Variants in ACAD10 observed in about 807,000 individuals in gnomAD.
ACAD10 encodes the protein acyl-CoA dehydrogenase family member 10.
A neutral mutation model predicts 116.8 loss-of-function variants in ACAD10; 112 were observed. That is an observed-to-expected ratio of 0.96 (90% CI 0.82 to 1.12). The LOEUF is 1.12. Ranked by LOEUF, ACAD10 falls within the 50% of genes most tolerant of loss-of-function variation. ACAD10 has a pLI of 0.00. For synonymous variants in ACAD10, 486 were observed against 510.6 expected, an observed-to-expected ratio of 0.95 and a Z score of 0.65; for missense variants, 1,259 against 1,350.2, an observed-to-expected ratio of 0.93 and a Z score of 1.06.
At chr12:111,704,424 G>A (rs1333906274) in intron 3 of ACAD10, among the ~76,000 whole-genome samples, 2 of 152,166 alleles carry the variant, frequency 1.3e-5, no homozygotes, top group East Asian at 1.9e-4. Context: ...ACAGGCGTGA[G>A]CCACCACGCC....
At chr12:111,755,632 CG>C in intron 19 of ACAD10, 35 bp from the exon 20 acceptor site, 1 of 1,565,416 alleles carries the variant, frequency 6.4e-7, no homozygotes, top group Non-Finnish European at 8.8e-7. Flanking sequence ...AGGCTGCCCT[CG>C]GGTCTTTTAT....
intron 11 of ACAD10, among the ~76,000 whole-genome samples, 188 bp from the exon 12 acceptor site, chr12:111,736,643 A>G (rs553380414): frequency 6.6e-6 from 1 of 152,326 alleles, no homozygotes; most frequent in Non-Finnish European, 1.5e-5. Flanking sequence ...TTTGTGAATA[A>G]TGACTTCATG....
chr12:111,687,014 A>G (rs551810649), intron 1 of ACAD10, among the ~76,000 whole-genome samples: 23 of 152,220 alleles, frequency 1.5e-4, no homozygotes, highest in Non-Finnish European at 3.1e-4. Flanking sequence ...TGGAGATAAC[A>G]TTAGCTTTTC....
chr12:111,723,272 CA>C (rs1385850475), intron 8 of ACAD10, among the ~76,000 whole-genome samples: 44 of 133,658 alleles, frequency 3.3e-4, no homozygotes, highest in African/African-American at 1.2e-3. Flanking sequence ...GGCGGCCGGG[CA>C]GAGGCGCCCC....
chr12:111,755,812 C>T lies in ACAD10; in HGVS notation c.3039+67C>T, dbSNP rs772591771. 16 of 1,457,792 alleles carry T rather than the reference C, an allele frequency of 1.1e-5. No individual in the cohort carries two copies. The South Asian group carries it at 1.7e-4, about 16-fold the overall frequency. 90.3% of individuals were successfully genotyped at this position (1,457,792 alleles called of 1,614,324 possible). A position where few individuals can be genotyped will look rare whatever the true frequency, so the allele number is the denominator to read the frequency against. On this transcript the variant is annotated intron_variant, in intron 20 of 20. Transcript: ENST00000313698. ...ACTAGATGCCAAACTCTCCTATCTT[C>T]AGCCGCCCAGCCTCCCATAGACCCT...
At chr12:111,735,346 G>A (rs917176349) in intron 11 of ACAD10, among the ~76,000 whole-genome samples, 23 of 151,918 alleles carry the variant, frequency 1.5e-4, no homozygotes, top group African/African-American at 5.6e-4. Flanking sequence ...GAACATCCTT[G>A]TAGTAATATA....
chr12:111,710,400 T>C (rs919097364), intron 5 of ACAD10: 73 of 365,908 alleles, frequency 2.0e-4, no homozygotes, highest in African/African-American at 1.5e-3. Flanking sequence ...TATTCTTCTA[T>C]GTTTGGGTTT....
intron 18 of ACAD10, among the ~76,000 whole-genome samples, chr12:111,752,571 T>C (rs965477477): frequency 1.3e-5 from 2 of 151,992 alleles, no homozygotes; most frequent in Admixed American, 1.3e-4. Flanking sequence ...ATCGCGCCAC[T>C]GCACTCCAGC....
At chr12:111,700,989 C>T (rs1176418122) in intron 2 of ACAD10, among the ~76,000 whole-genome samples, 2 of 151,974 alleles carry the variant, frequency 1.3e-5, no homozygotes, top group South Asian at 2.1e-4. Context: ...AGACTCCTAG[C>T]CTCAAGCGAT....
intron 8 of ACAD10, chr12:111,722,007 T>C (rs1177956950): frequency 3.2e-5 from 9 of 279,224 alleles, no homozygotes; most frequent in Non-Finnish European, 4.6e-5. Context: ...TTGTCTTTAT[T>C]TATTTTTTTA....
chr12:111,699,743 A>G lies in ACAD10; in HGVS notation c.188-2419A>G, dbSNP rs1888295916. 2.0e-5 allele frequency among the ~76,000 whole-genome samples: 3 copies of G among 151,828 alleles called. No homozygotes were observed. The South Asian group carries it at 6.2e-4, about 31-fold the overall frequency. ...AGACTAGCCTGGGCAACATAGTGAGATCCCCATTTCTACAAAAAATAAAAA... is the reference window on the plus strand; with the variant it reads ...AGACTAGCCTGGGCAACATAGTGAGGTCCCCATTTCTACAAAAAATAAAAA... On this transcript the variant is annotated intron_variant, in intron 2 of 20. Transcript: ENST00000313698.
intron 6 of ACAD10, 86 bp from the exon 7 acceptor site, chr12:111,715,735 A>G (rs1313343980): frequency 1.3e-6 from 2 of 1,577,960 alleles, no homozygotes; most frequent in African/African-American, 2.7e-5. Flanking sequence ...TGAAGCCCAA[A>G]TGCAGAACTC....
At chr12:111,715,237 GTCT>G (rs1363918757) in intron 6 of ACAD10, among the ~76,000 whole-genome samples, 20 of 152,230 alleles carry the variant, frequency 1.3e-4, no homozygotes, top group Non-Finnish European at 2.9e-4. Context: ...CCAGGGTTCA[GTCT>G]TCTTATGGAG....
chr12:111,712,169 G>A (rs1888704579), intron 5 of ACAD10, among the ~76,000 whole-genome samples: 1 of 152,184 alleles, frequency 6.6e-6, no homozygotes, highest in Admixed American at 6.6e-5. Flanking sequence ...CCTTTGTTTG[G>A]TGTACTGTTG....
intron 4 of ACAD10, among the ~76,000 whole-genome samples, chr12:111,706,782 A>ATAAATATTTTTTTTT (rs778649893): frequency 7.9e-6 from 1 of 126,504 alleles, no homozygotes; most frequent in African/African-American, 3.2e-5. Flanking sequence ...ATATATATAT[A>ATAAATATTTTTTTTT]TTTTTTTTTT....
At position 111,749,235 on chromosome 12, in the gene ACAD10, C is replaced by T; in HGVS notation, c.2707C>T (p.Pro903Ser). The change falls in exon 18 of 21, where the codon CCT (proline) becomes TCT (serine). Residue 903 changes from proline (P) to serine (S), a missense_variant. By Grantham distance (74) the Pro-to-Ser change is moderately conservative. Transcript: ENST00000313698. ...RVPKENMVLG[P>S]GRGFEIAQGR... ...GCCCAAAGAGAACATGGTCCTGGGC[C>T]CTGGCCGAGGCTTTGAGATCGCCCA... 1.2e-6 allele frequency: 2 copies of T among 1,614,114 alleles called. No homozygotes were observed. Among genetic ancestry groups the T allele is most frequent in the Non-Finnish European group, 1.7e-6 (2 of 1,180,024 alleles).
chr12:111,715,469 G>A (rs1309043125), intron 6 of ACAD10: 1 of 255,390 alleles, frequency 3.9e-6, no homozygotes, highest in African/African-American at 2.2e-5. Context: ...AAGATGGGTT[G>A]CCATGGCTGC....
rs1167840702 is a variant in ACAD10, at chr12:111,756,766, C to T, written c.*293C>T. 1.9e-5 allele frequency: 11 copies of T among 565,262 alleles called. No homozygotes were observed. The highest frequency in any genetic ancestry group is 2.7e-4 in the Middle Eastern group (1 of 3,724). 35.0% of individuals were successfully genotyped at this position (565,262 alleles called of 1,614,324 possible). The stretch of plus-strand genomic sequence containing the variant: ...CTCTCAGTCCCAGGCTGGGCAGGCA[C>T]GGTCACTTCACTTCAGCCTTTCAGT... On this transcript the variant is annotated 3_prime_UTR_variant, in exon 21 of 21. Transcript: ENST00000313698.
intron 8 of ACAD10, among the ~76,000 whole-genome samples, chr12:111,726,222 C>G (rs1430381918): frequency 6.6e-6 from 1 of 151,934 alleles, no homozygotes; most frequent in African/African-American, 2.4e-5. Context: ...CCACTGCACT[C>G]CAGCCTAGGT....
Sources: allele counts gnomAD v4.1 joint callset (sites outside exome capture counted in the v4.1 genomes callset), GRCh38; gene constraint gnomAD v4.1.1; transcripts MANE v1.5; gene names NCBI Gene and HGNC (gene_info 2026-07-23, HGNC 2026-07-21).